The following SEC61A2 variants were observed in gnomAD, a reference collection of about 807,000 sequenced individuals.
The protein encoded by SEC61A2 is SEC61 translocon subunit alpha 2.
A neutral mutation model predicts 59.9 loss-of-function variants in SEC61A2; 28 were observed. The observed-to-expected ratio is 0.47, with a 90% CI of 0.35 to 0.64. SEC61A2 has a LOEUF of 0.64. SEC61A2 is among the 30% of genes least tolerant of loss of function. The pLI is 0.01. For synonymous variants in SEC61A2, 202 were observed against 214.4 expected, an observed-to-expected ratio of 0.94 and a Z score of 0.50; for missense variants, 340 against 585.9, an observed-to-expected ratio of 0.58 and a Z score of 4.33.
chr10:12,139,356 T>A (rs1027738177), intron 3 of SEC61A2, among the ~76,000 whole-genome samples: 2 of 151,456 alleles, frequency 1.3e-5, no homozygotes, highest in Non-Finnish European at 2.9e-5. Flanking sequence ...ATTATTTTAA[T>A]AGTAGTCATC....
chr10:12,150,082 G>T, intron 6 of SEC61A2, 121 bp downstream of exon 6: 2 of 695,390 alleles, frequency 2.9e-6, no homozygotes, highest in Non-Finnish European at 4.7e-6. Context: ...TTTAATTCTA[G>T]TATTTTGATC....
intron 1 of SEC61A2, among the ~76,000 whole-genome samples, chr10:12,131,240 G>C (rs931382483): frequency 1.3e-5 from 2 of 152,318 alleles, no homozygotes; most frequent in African/African-American, 4.8e-5. Context: ...AGATAATATA[G>C]TCAACTTTAG....
At position 12,143,210 on chromosome 10, in the gene SEC61A2, T is replaced by C. The variant is rs370068347; in HGVS notation, c.220+15T>C. On this transcript the variant is annotated intron_variant, in intron 4 of 11. Transcript: ENST00000298428. The surrounding 1 kb of genome is among the most constrained non-coding windows in gnomAD (Gnocchi z 4.8). ...TTCCAATAGAGGTATGCGTGTCTTT[T>C]CTGTCTCCACACTCCTACTCACAGC... is the stretch of plus-strand genomic sequence containing the variant. 1.3e-6 allele frequency: 2 copies of C among 1,566,270 alleles called. No individual in the cohort carries two copies. The highest frequency in any genetic ancestry group is 2.7e-5 in the African/African-American group (2 of 73,992).
At chr10:12,167,938 T>C, downstream of SEC61A2, 2 of 475,726 alleles carry the variant, frequency 4.2e-6, no homozygotes, top group Middle Eastern at 4.6e-4. Flanking sequence ...GGTGATAACG[T>C]TTTTTTTGGT....
At chr10:12,139,882 T>C (rs1234049613) in intron 3 of SEC61A2, among the ~76,000 whole-genome samples, 1 of 147,434 alleles carries the variant, frequency 6.8e-6, no homozygotes, top group African/African-American at 2.5e-5. Context: ...GGCAGGAGAA[T>C]GGCGTGAACC....
In SEC61A2 at chr10:12,155,767, T is replaced by G; in HGVS notation, c.463-11T>G. 1.9e-6 allele frequency: 3 copies of G among 1,614,062 alleles called. No homozygotes were observed. Among genetic ancestry groups the G allele is most frequent in the Non-Finnish European group, 2.5e-6 (3 of 1,179,874 alleles). On this transcript the variant is annotated splice_polypyrimidine_tract_variant and intron_variant, in intron 6 of 11. Transcript: ENST00000298428. This position sits in a 1 kb window ranked among gnomAD's most constrained non-coding sequence, Gnocchi z 4.3. The stretch of plus-strand genomic sequence containing the variant: ...TCTTGCTTCCGCTTACTTGCATTTC[T>G]TTCCCCACAGTTGTTTGTTGCTGGT...
Position 12,143,251 on chromosome 10 carries a change from T to C in SEC61A2, c.220+56T>C. The C allele has an allele frequency of 7.9e-7, 1 of 1,266,036 alleles. No homozygotes were observed. The allele number at this position is 1,266,036 out of a possible 1,614,324, so 78.4% of individuals were successfully genotyped here. A position where few individuals can be genotyped will look rare whatever the true frequency, so the allele number is the denominator to read the frequency against. Reference sequence around the variant, plus strand: ...TACTCACAGCAAACAGATGGAAACATGTGGATTAGCAATGAGTTTTCAATG... The same window carrying C: ...TACTCACAGCAAACAGATGGAAACACGTGGATTAGCAATGAGTTTTCAATG... On this transcript the variant is annotated intron_variant, in intron 4 of 11. Transcript: ENST00000298428. The surrounding 1 kb of genome is among the most constrained non-coding windows in gnomAD (Gnocchi z 4.8).
chr10:12,167,826 G>C (rs373328654), downstream of SEC61A2: 1 of 1,612,894 alleles, frequency 6.2e-7, no homozygotes, highest in African/African-American at 1.3e-5. Flanking sequence ...GGAAAGCAAA[G>C]AAAACAACTT....
chr10:12,165,527 T>C (rs1250967142), downstream of SEC61A2: 3 of 228,092 alleles, frequency 1.3e-5, no homozygotes, highest in Admixed American at 6.5e-5. Context: ...GACAGATAGA[T>C]AGATAGTGAC....
chr10:12,169,110 G>A (rs1243399297), downstream of SEC61A2: 1 of 550,914 alleles, frequency 1.8e-6, no homozygotes, highest in African/African-American at 1.9e-5. This position sits in a 1 kb window ranked among gnomAD's most constrained non-coding sequence, Gnocchi z 4.8. Context: ...CTTCTCAAAT[G>A]TTGCTGGTTG....
intron 11 of SEC61A2, among the ~76,000 whole-genome samples, chr10:12,163,282 C>T (rs1163689890): frequency 6.8e-6 from 1 of 147,314 alleles, no homozygotes; most frequent in Admixed American, 6.8e-5. Context: ...TAGCTTGGGA[C>T]CACAGGTGTG....
At chr10:12,157,340 C>T (rs941855967) in intron 8 of SEC61A2, among the ~76,000 whole-genome samples, 3 of 150,940 alleles carry the variant, frequency 2.0e-5, no homozygotes, top group Non-Finnish European at 4.4e-5. Context: ...CTTTTCTTTT[C>T]TTTTTTTTTC....
intron 4 of SEC61A2, among the ~76,000 whole-genome samples, chr10:12,146,849 G>C (rs1018180988): frequency 6.6e-6 from 1 of 151,824 alleles, no homozygotes; most frequent in Non-Finnish European, 1.5e-5. Flanking sequence ...ATTTGTAAGA[G>C]CTCTTTGCAC....
intron 4 of SEC61A2, among the ~76,000 whole-genome samples, chr10:12,147,677 T>C (rs1834173278): frequency 2.0e-5 from 3 of 148,272 alleles, no homozygotes; most frequent in South Asian, 4.2e-4. Context: ...AGTGAGACTC[T>C]GTCTAAAAAA....
chr10:12,144,249 G>GC (rs1834088796), intron 4 of SEC61A2, among the ~76,000 whole-genome samples: 1 of 152,192 alleles, frequency 6.6e-6, no homozygotes, highest in South Asian at 2.1e-4. Context: ...AAAGAAAAGT[G>GC]TCACTTCTGA....
chr10:12,151,390 C>T (rs1834270675), intron 6 of SEC61A2, among the ~76,000 whole-genome samples: 1 of 149,912 alleles, frequency 6.7e-6, no homozygotes. Flanking sequence ...CGGCTCACTG[C>T]AACCTCCCCT....
chr10:12,149,531 A>T lies in SEC61A2; in HGVS notation c.221-64A>T. ...AGTTGAGGTAATTAGGGAGTGCGAC[A>T]CCTCTAAATCAGTTTGTATCGTGTA... On this transcript the variant is annotated intron_variant, in intron 4 of 11. Coordinates refer to ENST00000298428, the MANE Select transcript of SEC61A2 (RefSeq NM_018144.4). The surrounding 1 kb of genome is among the most constrained non-coding windows in gnomAD (Gnocchi z 5.2). The T allele has an allele frequency of 6.8e-7, 1 of 1,468,242 alleles. No homozygotes were observed. The allele number at this position is 1,468,242 out of a possible 1,614,324, so 91.0% of individuals were successfully genotyped here.
At chr10:12,131,361 C>G (rs1253960647) in intron 1 of SEC61A2, among the ~76,000 whole-genome samples, 1 of 152,158 alleles carries the variant, frequency 6.6e-6, no homozygotes, top group African/African-American at 2.4e-5. Context: ...TAACTAATAC[C>G]TAGCTGCGGC....
At chr10:12,133,968 A>C (rs1170279527) in intron 2 of SEC61A2, among the ~76,000 whole-genome samples, 1 of 152,222 alleles carries the variant, frequency 6.6e-6, no homozygotes, top group African/African-American at 2.4e-5. Context: ...AGAGATAGGT[A>C]AAAGAATTTT....
Sources: gnomAD v4.1 joint callset for allele counts (sites outside exome capture counted in the v4.1 genomes callset) on GRCh38, gnomAD v4.1.1 for gene constraint, Gnocchi (gnomAD v3.1) non-coding constraint, MANE v1.5 for transcripts, NCBI Gene and HGNC (gene_info 2026-07-23, HGNC 2026-07-21) for gene names.